CSNK2A2IP: variants seen among roughly 807,000 people sequenced by gnomAD.
The protein encoded by CSNK2A2IP is casein kinase 2 subunit alpha' interacting protein.
chr3:88,364,791 G>C, the CSNK2A2IP span, among the ~76,000 whole-genome samples: 591 of 151,978 alleles, frequency 3.9e-3, 8 homozygotes, highest in African/African-American at 0.013. Flanking sequence ...TTATCTATGT[G>C]GAAAATACAA....
the CSNK2A2IP span, among the ~76,000 whole-genome samples, chr3:88,421,189 G>A: frequency 1.3e-5 from 2 of 151,966 alleles, no homozygotes; most frequent in East Asian, 3.9e-4. Flanking sequence ...AACTTATATT[G>A]ATAATCATTG....
the CSNK2A2IP span, among the ~76,000 whole-genome samples, chr3:88,385,063 G>A: frequency 6.6e-6 from 1 of 152,172 alleles, no homozygotes; most frequent in Non-Finnish European, 1.5e-5. Context: ...ATGTTAGATG[G>A]AGATGAAGAT....
the CSNK2A2IP span, among the ~76,000 whole-genome samples, chr3:88,375,826 A>T: frequency 5.5e-4 from 83 of 151,840 alleles, no homozygotes; most frequent in Admixed American, 4.1e-3. Context: ...CACTCAAGAC[A>T]CCATGCTCTC....
the CSNK2A2IP span, among the ~76,000 whole-genome samples, chr3:88,460,416 T>A: frequency 6.6e-6 from 1 of 152,180 alleles, no homozygotes; most frequent in Non-Finnish European, 1.5e-5. Flanking sequence ...TAGCAGGATT[T>A]AAACATTACG....
the CSNK2A2IP span, among the ~76,000 whole-genome samples, chr3:88,373,722 A>C: frequency 1.3e-5 from 2 of 151,338 alleles, no homozygotes; most frequent in African/African-American, 4.8e-5. Context: ...AATTATTTTC[A>C]AAAATAAAAA....
chr3:88,362,858 T>C, the CSNK2A2IP span, among the ~76,000 whole-genome samples: 2 of 152,158 alleles, frequency 1.3e-5, no homozygotes, highest in African/African-American at 4.8e-5. Flanking sequence ...CTTTGTAGTC[T>C]TCCCTCTCTT....
chr3:88,448,681 A>G, the CSNK2A2IP span, among the ~76,000 whole-genome samples: 27 of 152,330 alleles, frequency 1.8e-4, no homozygotes, highest in Middle Eastern at 6.8e-3. Flanking sequence ...CAGACATACT[A>G]AACTCCAGCT....
the CSNK2A2IP span, among the ~76,000 whole-genome samples, chr3:88,376,493 C>G: frequency 6.6e-6 from 1 of 151,560 alleles, no homozygotes; most frequent in Non-Finnish European, 1.5e-5. Flanking sequence ...GAAAAATTCC[C>G]CTCCCACTCC....
chr3:88,393,225 AACT>A, the CSNK2A2IP span, among the ~76,000 whole-genome samples: 1 of 152,204 alleles, frequency 6.6e-6, no homozygotes, highest in East Asian at 1.9e-4. Context: ...ATTTCAGGTA[AACT>A]TACTCAGTCT....
At chr3:88,364,102 CA>C in the CSNK2A2IP span, among the ~76,000 whole-genome samples, 1 of 152,142 alleles carries the variant, frequency 6.6e-6, no homozygotes, top group African/African-American at 2.4e-5. Context: ...TCAGGGATTT[CA>C]CTGGGATCCT....
At chr3:88,437,260 A>C in the CSNK2A2IP span, among the ~76,000 whole-genome samples, 1 of 152,260 alleles carries the variant, frequency 6.6e-6, no homozygotes, top group South Asian at 2.1e-4. Context: ...CTATCTGTTT[A>C]CCTCTTCCAC....
the CSNK2A2IP span, among the ~76,000 whole-genome samples, chr3:88,462,621 T>C: frequency 6.6e-6 from 1 of 152,118 alleles, no homozygotes; most frequent in African/African-American, 2.4e-5. Flanking sequence ...AATTAAGATA[T>C]GGAAGTGATC....
chr3:88,441,843 G>A, the CSNK2A2IP span, among the ~76,000 whole-genome samples: 2,077 of 151,668 alleles, frequency 0.014, 39 homozygotes, highest in African/African-American at 0.048. Context: ...ATGAGTGTCT[G>A]TGTTTTACAG....
chr3:88,434,542 AC>A, the CSNK2A2IP span, among the ~76,000 whole-genome samples: 1 of 151,874 alleles, frequency 6.6e-6, no homozygotes, highest in Admixed American at 6.6e-5. Context: ...AAAACAAACA[AC>A]CCTAAATTCC....
chr3:88,396,347 C>T, the CSNK2A2IP span, among the ~76,000 whole-genome samples: 1 of 151,888 alleles, frequency 6.6e-6, no homozygotes, highest in Admixed American at 6.6e-5. Context: ...CCTCGTGATC[C>T]GCCCGCCTCG....
the CSNK2A2IP span, among the ~76,000 whole-genome samples, chr3:88,419,765 A>C: frequency 6.6e-6 from 1 of 152,144 alleles, no homozygotes; most frequent in Non-Finnish European, 1.5e-5. Flanking sequence ...TGTTCTCTTG[A>C]ATACGAAGAT....
chr3:88,376,589 G>T, the CSNK2A2IP span, among the ~76,000 whole-genome samples: 1 of 151,388 alleles, frequency 6.6e-6, no homozygotes, highest in Non-Finnish European at 1.5e-5. Flanking sequence ...TTCTATCTTA[G>T]TTTCAGTTAC....
the CSNK2A2IP span, among the ~76,000 whole-genome samples, chr3:88,386,186 G>A: frequency 1.2e-4 from 18 of 151,850 alleles, no homozygotes; most frequent in African/African-American, 3.9e-4. Context: ...CTGCAATGGC[G>A]TGATCTCGGT....
chr3:88,374,671 G>A, the CSNK2A2IP span, among the ~76,000 whole-genome samples: 7 of 151,620 alleles, frequency 4.6e-5, no homozygotes, highest in African/African-American at 1.7e-4. Flanking sequence ...TTATGCTACA[G>A]CCAAACTACC....
Sources: gnomAD v4.1 joint callset for allele counts (sites outside exome capture counted in the v4.1 genomes callset) on GRCh38, gnomAD v4.1.1 for gene constraint, MANE v1.5 for transcripts, NCBI Gene and HGNC (gene_info 2026-07-23, HGNC 2026-07-21) for gene names.